Variants in CSMD1 observed in about 807,000 individuals in gnomAD.
The protein encoded by CSMD1 is CUB and sushi domain-containing protein 1.
CSMD1 carries 213 observed loss-of-function variants against 417.5 expected under a neutral mutation model. The ratio of observed to expected loss-of-function variants is 0.51; its 90% CI spans 0.46 to 0.57. The LOEUF is 0.57. Ranked by LOEUF, CSMD1 falls within the 20% of genes least tolerant of loss-of-function variation. CSMD1 has a pLI of 0.00. For missense variants in CSMD1, 6,923 were observed against 4,529.7 expected (o/e 1.53, Z -15.17); for synonymous variants, 2,862 against 1,736.8 (o/e 1.65, Z -16.11).
intron 3 of CSMD1, among the ~76,000 whole-genome samples, chr8:4,324,275 C>G (rs1799428636): frequency 6.6e-6 from 1 of 152,218 alleles, no homozygotes; most frequent in African/African-American, 2.4e-5. Flanking sequence ...TTTTCCTCTT[C>G]CTCATCACTA....
intron 52 of CSMD1, among the ~76,000 whole-genome samples, chr8:3,004,576 T>C (rs147972722): frequency 1.3e-4 from 20 of 152,330 alleles, no homozygotes; most frequent in African/African-American, 4.3e-4. Context: ...ATCCAATGTA[T>C]ATAGATAGAC....
chr8:4,551,768 T>C (rs1202977064), intron 2 of CSMD1, among the ~76,000 whole-genome samples: 1 of 152,002 alleles, frequency 6.6e-6, no homozygotes. Flanking sequence ...CACTGCAACC[T>C]CTCAGGCTGA....
intron 25 of CSMD1, among the ~76,000 whole-genome samples, chr8:3,295,750 G>A (rs995959889): frequency 6.6e-6 from 1 of 152,136 alleles, no homozygotes; most frequent in Admixed American, 6.5e-5. Context: ...CAGACTAAGA[G>A]TTCTACATAT....
chr8:4,838,134 G>A (rs555095569), intron 1 of CSMD1, among the ~76,000 whole-genome samples: 4 of 152,100 alleles, frequency 2.6e-5, no homozygotes, highest in African/African-American at 7.2e-5. Flanking sequence ...TTTTTTTAAA[G>A]CAAGGGGGAA....
rs143003623 is a variant in CSMD1, at chr8:4,144,251, T to G, written c.416-112152A>C. Among the ~76,000 whole-genome samples, 732 of 151,152 alleles carry G rather than the reference T, an allele frequency of 4.8e-3. 11 individuals are homozygous for G. The highest frequency in any genetic ancestry group is 8.3e-3 in the Non-Finnish European group (563 of 68,010). On this transcript the variant is annotated intron_variant, in intron 3 of 69. Coordinates refer to ENST00000635120, the MANE Select transcript of CSMD1 (RefSeq NM_033225.6). ...CAGCACAAACTGGCCGTAAGTTCCC[T>G]GCCTCAAGACCTTATTCTGCCTCAC...
chr8:4,884,129 G>C (rs1281784949), intron 1 of CSMD1, among the ~76,000 whole-genome samples: 2 of 151,984 alleles, frequency 1.3e-5, no homozygotes, highest in Admixed American at 6.6e-5. Flanking sequence ...ACTTTACTGG[G>C]ATCAATGTCT....
chr8:4,084,102 A>C (rs1227481835), intron 3 of CSMD1, among the ~76,000 whole-genome samples: 6 of 152,222 alleles, frequency 3.9e-5, no homozygotes, highest in Admixed American at 3.9e-4. Context: ...TTGTCTTCGG[A>C]AAGGTAAAAC....
At chr8:4,407,216 C>G (rs775503407) in intron 3 of CSMD1, among the ~76,000 whole-genome samples, 9 of 152,304 alleles carry the variant, frequency 5.9e-5, no homozygotes, top group Non-Finnish European at 1.0e-4. Flanking sequence ...CCCCTGAATT[C>G]CAGCTCTTCT....
chr8:3,965,652 C>T (rs1227702955), intron 5 of CSMD1, among the ~76,000 whole-genome samples: 1 of 152,076 alleles, frequency 6.6e-6, no homozygotes, highest in Admixed American at 6.6e-5. Flanking sequence ...GAGTCTCACC[C>T]TGTCGCCCAG....
intron 6 of CSMD1, among the ~76,000 whole-genome samples, chr8:3,725,824 T>C (rs1802459325): frequency 6.6e-6 from 1 of 152,144 alleles, no homozygotes; most frequent in African/African-American, 2.4e-5. Context: ...TGACTCAGTA[T>C]CTCAACCCAT....
chr8:4,348,571 CTG>C (rs1212445978), intron 3 of CSMD1, among the ~76,000 whole-genome samples: 3 of 130,716 alleles, frequency 2.3e-5, no homozygotes, highest in South Asian at 2.7e-4. Flanking sequence ...ATGTGTGCAT[CTG>C]TGTGTGTGTA....
chr8:4,578,129 C>G (rs754224138), intron 2 of CSMD1, among the ~76,000 whole-genome samples: 1 of 152,012 alleles, frequency 6.6e-6, no homozygotes, highest in African/African-American at 2.4e-5. Context: ...TACTCAAAGT[C>G]CCCCACATCT....
intron 38 of CSMD1, 114 bp downstream of exon 38, chr8:3,162,045 G>T: frequency 1.5e-6 from 1 of 683,074 alleles, no homozygotes; most frequent in Non-Finnish European, 2.6e-6. Context: ...TGAATAGTAT[G>T]ATTCACAAAC....
At chr8:3,258,794 A>G (rs1354026024) in intron 26 of CSMD1, among the ~76,000 whole-genome samples, 7 of 152,250 alleles carry the variant, frequency 4.6e-5, no homozygotes, top group African/African-American at 1.7e-4. Context: ...CTTTACAGGA[A>G]CATGGATGGA....
At chr8:4,175,020 C>G (rs888749857) in intron 3 of CSMD1, among the ~76,000 whole-genome samples, 1 of 151,614 alleles carries the variant, frequency 6.6e-6, no homozygotes, top group Non-Finnish European at 1.5e-5. Context: ...CTCTTTTCCA[C>G]TTTAAGTATA....
At position 3,862,027 on chromosome 8, in the gene CSMD1, C is replaced by T. The variant is rs182543388; in HGVS notation, c.819-107985G>A. Among the ~76,000 whole-genome samples the T allele has an allele frequency of 1.9e-3, 282 of 152,278 alleles. 1 individual carries two copies. The highest frequency in any genetic ancestry group is 5.4e-3 in the African/African-American group (224 of 41,554). On this transcript the variant is annotated intron_variant, in intron 5 of 69. Transcript: ENST00000635120. The stretch of plus-strand genomic sequence containing the variant: ...CTAAAACCAACACAATCATTCCATG[C>T]CCCAACCATTGCTTGCTAAATCAAA...
intron 7 of CSMD1, among the ~76,000 whole-genome samples, chr8:3,698,744 T>C (rs1800693778): frequency 6.6e-6 from 1 of 152,232 alleles, no homozygotes; most frequent in Admixed American, 6.5e-5. Flanking sequence ...AGGATCATGT[T>C]CATTACTGAA....
At chr8:3,049,004 G>C (rs140144763) in intron 50 of CSMD1, among the ~76,000 whole-genome samples, 310 of 152,166 alleles carry the variant, frequency 2.0e-3, no homozygotes, top group African/African-American at 6.9e-3. Context: ...TGCATCATCA[G>C]AGTATTGCTA....
At chr8:4,105,841 G>A (rs1563130594) in intron 3 of CSMD1, among the ~76,000 whole-genome samples, 1 of 152,178 alleles carries the variant, frequency 6.6e-6, no homozygotes, top group Admixed American at 6.5e-5. Context: ...CTGAGGCCAT[G>A]ACCCTCTGAG....
Sources: gnomAD v4.1 joint callset for allele counts (sites outside exome capture counted in the v4.1 genomes callset) on GRCh38, gnomAD v4.1.1 for gene constraint, MANE v1.5 for transcripts, NCBI Gene and HGNC (gene_info 2026-07-23, HGNC 2026-07-21) for gene names.